Variants in CACNA1B observed in about 807,000 individuals in gnomAD.
The protein encoded by CACNA1B is voltage-dependent N-type calcium channel subunit alpha-1B.
Under a neutral mutation model 247.2 loss-of-function variants are expected in CACNA1B, and 70 were observed. The ratio of observed to expected loss-of-function variants is 0.28; its 90% CI spans 0.23 to 0.35. The LOEUF is 0.35. Ranked by LOEUF, CACNA1B falls within the 10% of genes least tolerant of loss-of-function variation. CACNA1B has a pLI of 1.00. For synonymous variants in CACNA1B, 1,231 were observed against 1,294.4 expected (o/e 0.95, Z 1.05); for missense variants, 2,367 against 3,197.4 (o/e 0.74, Z 6.26).
intron 18 of CACNA1B, among the ~76,000 whole-genome samples, 161 bp from the exon 19 acceptor site, chr9:138,022,849 TC>T (rs1958865130): frequency 6.6e-6 from 1 of 151,028 alleles, no homozygotes; most frequent in Admixed American, 6.6e-5. Flanking sequence ...CCTTGGGCGT[TC>T]CCCACCTGAT....
In CACNA1B at chr9:137,924,299, G is replaced by T. The variant is rs371901057; in HGVS notation, c.966+6868G>T. On this transcript the variant is annotated intron_variant, in intron 6 of 46. Coordinates refer to ENST00000371372, the MANE Select transcript of CACNA1B (RefSeq NM_000718.4). ...AAAAGTGTGAGGTTTTTGCCTGCCT[G>T]CCTTCCTTCCTTCCTTCTTTCCTTC... 1.7e-4 allele frequency among the ~76,000 whole-genome samples: 25 copies of T among 150,160 alleles called. No individual in the cohort carries two copies. The South Asian group carries it at 3.0e-3, about 18-fold the overall frequency.
chr9:137,960,956 A>G (rs953877116), intron 10 of CACNA1B, among the ~76,000 whole-genome samples: 1 of 152,080 alleles, frequency 6.6e-6, no homozygotes, highest in African/African-American at 2.4e-5. Flanking sequence ...TTTCTCTAAT[A>G]ATCAGTAACG....
intron 20 of CACNA1B, among the ~76,000 whole-genome samples, chr9:138,029,425 A>G (rs1958961189): frequency 2.6e-5 from 4 of 152,242 alleles, no homozygotes; most frequent in East Asian, 1.9e-4. Context: ...CTGCTTAAAC[A>G]TTGTTGCCTC....
Position 138,054,011 on chromosome 9 carries a change from A to G in CACNA1B, c.3968+5A>G. ...GGAGCTGGAGAGGGACTGCAGGTAAACTGAGGCAGGGTGCAAGGTGGGACA... is the reference window on the plus strand; with the variant it reads ...GGAGCTGGAGAGGGACTGCAGGTAAGCTGAGGCAGGGTGCAAGGTGGGACA... On this transcript the variant is annotated splice_donor_5th_base_variant and intron_variant, in intron 26 of 46. Coordinates refer to ENST00000371372, the MANE Select transcript of CACNA1B (RefSeq NM_000718.4). This position sits in a 1 kb window ranked among gnomAD's most constrained non-coding sequence, Gnocchi z 4.6. 1 of 1,613,752 alleles carries G rather than the reference A, an allele frequency of 6.2e-7. No individual in the cohort carries two copies. The highest frequency in any genetic ancestry group is 8.5e-7 in the Non-Finnish European group (1 of 1,179,672).
chr9:138,087,384 CAAAAAA>C (rs58566171), intron 36 of CACNA1B, among the ~76,000 whole-genome samples: 3 of 52,674 alleles, frequency 5.7e-5, no homozygotes, highest in East Asian at 6.4e-4. Context: ...GACTCTGTCT[CAAAAAA>C]AAAAAAAAAA....
intron 20 of CACNA1B, among the ~76,000 whole-genome samples, chr9:138,039,110 C>T (rs970208235): frequency 6.6e-6 from 1 of 151,896 alleles, no homozygotes; most frequent in South Asian, 2.1e-4. Context: ...ACAGGAGAAT[C>T]GCTTGAACCC....
intron 36 of CACNA1B, among the ~76,000 whole-genome samples, chr9:138,090,471 A>G (rs367703050): frequency 8.5e-5 from 13 of 152,116 alleles, no homozygotes; most frequent in African/African-American, 3.1e-4. Context: ...ATACAGGGAA[A>G]ACACTTCAGG....
intron 37 of CACNA1B, among the ~76,000 whole-genome samples, chr9:138,101,583 C>T (rs1432087940): frequency 3.3e-5 from 5 of 152,234 alleles, no homozygotes; most frequent in Non-Finnish European, 5.9e-5. Flanking sequence ...CACAGGCCTC[C>T]CAGGAGCAGC....
chr9:138,115,544 CT>C lies in CACNA1B; in HGVS notation c.5650-5del. 1 of 1,611,482 alleles carries C rather than the reference CT, an allele frequency of 6.2e-7. No homozygotes were observed. Among genetic ancestry groups the C allele is most frequent in the Non-Finnish European group, 8.5e-7 (1 of 1,178,832 alleles). ...GAGCTCTTTCCCTTCCCTTTGCCTC[CT>C]TTGCAGATGGGTCCTGTGTCCCTGT... On this transcript the variant is annotated splice_polypyrimidine_tract_variant and splice_region_variant and intron_variant, in intron 41 of 46. Coordinates refer to ENST00000371372, the MANE Select transcript of CACNA1B (RefSeq NM_000718.4).
intron 36 of CACNA1B, among the ~76,000 whole-genome samples, chr9:138,090,782 A>G (rs1426096641): frequency 6.6e-6 from 1 of 151,658 alleles, no homozygotes; most frequent in Non-Finnish European, 1.5e-5. Flanking sequence ...CTCTCAAAAG[A>G]AGACATACAA....
intron 42 of CACNA1B, among the ~76,000 whole-genome samples, chr9:138,116,457 G>C (rs74868764): frequency 0.013 from 1,941 of 152,236 alleles, 44 homozygotes; most frequent in South Asian, 0.087. Context: ...CTCCCGAGCC[G>C]CTGGCAGCCC....
At chr9:137,879,595 G>T (rs1956888873) in intron 2 of CACNA1B, among the ~76,000 whole-genome samples, 1 of 152,268 alleles carries the variant, frequency 6.6e-6, no homozygotes, top group South Asian at 2.1e-4. Flanking sequence ...CCTCCAAGTT[G>T]TCTTGTGCGG....
At chr9:137,931,613 G>GT (rs950329455) in intron 6 of CACNA1B, among the ~76,000 whole-genome samples, 10 of 152,004 alleles carry the variant, frequency 6.6e-5, no homozygotes, top group African/African-American at 2.2e-4. Context: ...GGGACTGATG[G>GT]TTTTTTCTTC....
intron 36 of CACNA1B, among the ~76,000 whole-genome samples, chr9:138,090,701 C>CAAAAAAAA (rs1173964720): frequency 3.3e-3 from 55 of 16,592 alleles, no homozygotes; most frequent in African/African-American, 5.9e-3. Flanking sequence ...AACCCATCAG[C>CAAAAAAAA]AAAAAAAAAA....
chr9:137,892,582 C>T (rs909790602), intron 3 of CACNA1B: 11 of 357,180 alleles, frequency 3.1e-5, no homozygotes, highest in Non-Finnish European at 5.5e-5. Context: ...GAGCCACAGG[C>T]ACCCCGAAGG....
chr9:138,037,672 A>C (rs944773140), intron 20 of CACNA1B, among the ~76,000 whole-genome samples: 4 of 135,860 alleles, frequency 2.9e-5, no homozygotes, highest in Non-Finnish European at 4.9e-5. Flanking sequence ...AAAAACAAAC[A>C]AAAAAAAAAA....
At chr9:138,095,921 G>T (rs1961037291) in intron 36 of CACNA1B, among the ~76,000 whole-genome samples, 1 of 129,312 alleles carries the variant, frequency 7.7e-6, no homozygotes, top group East Asian at 2.6e-4. Context: ...ACAGAAAGGA[G>T]ATTGGTGGTT....
chr9:138,057,636 A>T lies in CACNA1B; in HGVS notation c.3969-96A>T. The T allele has an allele frequency of 8.0e-7, 1 of 1,255,064 alleles. No homozygotes were observed. The highest frequency in any genetic ancestry group is 1.5e-5 in the African/African-American group (1 of 67,466). The allele number at this position is 1,255,064 out of a possible 1,614,324, so 77.7% of individuals were successfully genotyped here. Reference sequence around the variant, plus strand: ...CCCAGCACAGTCTGTTGGAGAGGCCATTCTTTCCCCACGGAATGGTTTCAA... The same window carrying T: ...CCCAGCACAGTCTGTTGGAGAGGCCTTTCTTTCCCCACGGAATGGTTTCAA... On this transcript the variant is annotated intron_variant, in intron 26 of 46. Transcript: ENST00000371372. This position sits in a 1 kb window ranked among gnomAD's most constrained non-coding sequence, Gnocchi z 4.0.
At position 137,974,635 on chromosome 9, in the gene CACNA1B, G is replaced by A. The variant is rs574306097; in HGVS notation, c.1544-1272G>A. 4.6e-5 allele frequency among the ~76,000 whole-genome samples: 7 copies of A among 152,302 alleles called. No individual in the cohort carries two copies. The South Asian group carries it at 6.2e-4, about 14-fold the overall frequency. On this transcript the variant is annotated intron_variant, in intron 11 of 46. Transcript: ENST00000371372. The surrounding 1 kb of genome is among the most constrained non-coding windows in gnomAD (Gnocchi z 4.5). ...GCCCTTGGTGGAGGAGATTTTAGGA[G>A]CATAGGGGTGGGAAGAGTGTGTGGC...
Sources: allele counts gnomAD v4.1 joint callset (sites outside exome capture counted in the v4.1 genomes callset), GRCh38; gene constraint gnomAD v4.1.1; non-coding constraint Gnocchi (gnomAD v3.1); transcripts MANE v1.5; gene names NCBI Gene and HGNC (gene_info 2026-07-23, HGNC 2026-07-21).